SEMA4D: variants seen among roughly 807,000 people sequenced by gnomAD.
The protein encoded by SEMA4D is semaphorin 4D.
A neutral mutation model predicts 74.8 loss-of-function variants in SEMA4D; 22 were observed. The ratio of observed to expected loss-of-function variants is 0.29; its 90% CI spans 0.21 to 0.42. The LOEUF (loss-of-function observed/expected upper bound fraction) is 0.42. Among genes scored for constraint, SEMA4D ranks in the 10% least tolerant of loss-of-function variants. The pLI, the probability that SEMA4D is intolerant of heterozygous loss-of-function variation, is 1.00. For missense variants in SEMA4D, 937 were observed against 1,118.4 expected (o/e 0.84, Z 2.31); for synonymous variants, 445 against 463.7 (o/e 0.96, Z 0.52).
chr9:89,402,089 T>TA (rs1474222457), intron 4 of SEMA4D, among the ~76,000 whole-genome samples: 20 of 152,288 alleles, frequency 1.3e-4, no homozygotes, highest in African/African-American at 4.3e-4. Context: ...GGCACATACT[T>TA]ACAGTCCCAG....
At chr9:89,389,891 T>A (rs1421303005) in intron 9 of SEMA4D, among the ~76,000 whole-genome samples, 2 of 152,200 alleles carry the variant, frequency 1.3e-5, no homozygotes, top group Non-Finnish European at 2.9e-5. Context: ...TCATGTGGCT[T>A]TCAGGTCACG....
chr9:89,362,627 C>A (rs770925406), intron 18 of SEMA4D, among the ~76,000 whole-genome samples: 1 of 152,332 alleles, frequency 6.6e-6, no homozygotes, highest in Non-Finnish European at 1.5e-5. Flanking sequence ...AGAGCAGCAG[C>A]GCATTCACTC....
intron 1 of SEMA4D, among the ~76,000 whole-genome samples, chr9:89,490,198 T>C (rs908984494): frequency 6.6e-6 from 1 of 152,226 alleles, no homozygotes; most frequent in African/African-American, 2.4e-5. Context: ...CTGGCAGTTT[T>C]TGTGGTTGAG....
At chr9:89,436,794 A>G (rs568266968) in intron 2 of SEMA4D, among the ~76,000 whole-genome samples, 255 of 152,362 alleles carry the variant, frequency 1.7e-3, no homozygotes, top group African/African-American at 5.8e-3. Flanking sequence ...CCCATGGAGC[A>G]GCAGGTCGCC....
rs932933802 is a variant in SEMA4D at position 89,379,537 on chromosome 9, A to C, written c.1756T>G (p.Phe586Val). 6 of 1,614,094 alleles carry C rather than the reference A, an allele frequency of 3.7e-6. No homozygotes were observed. The highest frequency in any genetic ancestry group is 3.3e-5 in the Admixed American group (2 of 60,004). Residue 586 changes from phenylalanine to valine, a missense_variant, in exon 16 of 16, where the codon TTT becomes GTT. Transcript: ENST00000422704. ...CSQKSNLARV[F>V]WKFQNGVLKA... ...AACACGCCATTCTGGAACTTCCAAAAGACCCGGGCCAGGTTGGATTTTTGG... is the reference window on the plus strand; with the variant it reads ...AACACGCCATTCTGGAACTTCCAAACGACCCGGGCCAGGTTGGATTTTTGG...
intron 1 of SEMA4D, among the ~76,000 whole-genome samples, chr9:89,493,320 G>A (rs961715170): frequency 1.3e-5 from 2 of 152,202 alleles, no homozygotes; most frequent in African/African-American, 2.4e-5. Flanking sequence ...CTGTGCAGGC[G>A]CAAAGGCAGG....
At chr9:89,374,412 G>T (rs1445307046), downstream of SEMA4D, among the ~76,000 whole-genome samples, 1 of 152,238 alleles carries the variant, frequency 6.6e-6, no homozygotes, top group African/African-American at 2.4e-5. Context: ...GCTTCAAGTA[G>T]GACCTCCAGC....
rs568682707 is a variant in SEMA4D, at chr9:89,370,392, C to T, written c.1882+6441G>A. On this transcript the variant is annotated intron_variant, in intron 16 of 18. Transcript: ENST00000339861. ...ACGTATGTGGTGTATCTGATATATG[C>T]GTGGCGTGTGGTGTGTGTGGTGTGT... Among the ~76,000 whole-genome samples the T allele has an allele frequency of 4.8e-4, 70 of 145,126 alleles. No homozygotes were observed. In the South Asian group the frequency reaches 8.1e-3, roughly 17 times the overall value.
chr9:89,399,512 T>C (rs1841722222), intron 4 of SEMA4D, among the ~76,000 whole-genome samples, 174 bp from the exon 5 acceptor site: 1 of 152,192 alleles, frequency 6.6e-6, no homozygotes, highest in Non-Finnish European at 1.5e-5. Context: ...GGGGCCTTCA[T>C]GAACATCCTC....
At chr9:89,424,824 T>C (rs1847772141) in intron 2 of SEMA4D, among the ~76,000 whole-genome samples, 1 of 152,034 alleles carries the variant, frequency 6.6e-6, no homozygotes, top group Non-Finnish European at 1.5e-5. Flanking sequence ...TTACGGCCCC[T>C]GTGCCCCCGG....
intron 18 of SEMA4D, chr9:89,362,554 C>A: frequency 6.5e-7 from 1 of 1,544,786 alleles, no homozygotes; most frequent in Non-Finnish European, 8.9e-7. Flanking sequence ...TGTTGTGGTT[C>A]CCCTCCTTGG....
chr9:89,413,566 C>A (rs148929277), intron 2 of SEMA4D, among the ~76,000 whole-genome samples: 4 of 152,342 alleles, frequency 2.6e-5, no homozygotes, highest in Non-Finnish European at 5.9e-5. Context: ...TTGTACACAT[C>A]TGTACAGGTG....
At chr9:89,450,649 GA>G in intron 2 of SEMA4D, 2 of 396,044 alleles carry the variant, frequency 5.0e-6, no homozygotes, top group Non-Finnish European at 3.9e-6. Flanking sequence ...TCTGCAAGTC[GA>G]AAAACCCAGG....
intron 4 of SEMA4D, among the ~76,000 whole-genome samples, chr9:89,401,884 T>C (rs769877119): frequency 4.6e-5 from 7 of 152,150 alleles, no homozygotes; most frequent in Non-Finnish European, 7.4e-5. Flanking sequence ...AACATTGCGT[T>C]TTGCAATCTT....
chr9:89,378,751 C>A lies in SEMA4D; in HGVS notation c.2542G>T (p.Val848Phe), dbSNP rs775445061. ...DLSARDKPFD[V>F]KCELKFADSD... Reference sequence around the variant, plus strand: ...TCAGCGAACTTCAGCTCACACTTGACGTCAAAGGGCTTGTCCCTGGCAGAA... The same window carrying A: ...TCAGCGAACTTCAGCTCACACTTGAAGTCAAAGGGCTTGTCCCTGGCAGAA... The change falls in exon 16 of 16, where the codon GTC becomes TTC. Residue 848 changes from valine (V) to phenylalanine (F), a missense_variant. Coordinates refer to ENST00000422704, the MANE Select transcript of SEMA4D (RefSeq NM_001371194.2). The A allele has an allele frequency of 6.2e-7, 1 of 1,614,174 alleles. No homozygotes were observed. The highest frequency in any genetic ancestry group is 8.5e-7 in the Non-Finnish European group (1 of 1,180,028).
chr9:89,373,725 C>T (rs1456189299), downstream of SEMA4D, among the ~76,000 whole-genome samples: 4 of 152,320 alleles, frequency 2.6e-5, no homozygotes, highest in East Asian at 3.9e-4. Context: ...CCCTGGGTGG[C>T]TGGGGGAGGA....
intron 2 of SEMA4D, among the ~76,000 whole-genome samples, chr9:89,427,722 T>C (rs938290987): frequency 1.3e-5 from 2 of 152,082 alleles, no homozygotes; most frequent in Non-Finnish European, 2.9e-5. Context: ...CCCATCCCGG[T>C]GTCTGTCCTT....
chr9:89,428,599 G>A (rs1179950910), intron 2 of SEMA4D, among the ~76,000 whole-genome samples: 1 of 151,590 alleles, frequency 6.6e-6, no homozygotes, highest in Non-Finnish European at 1.5e-5. Context: ...AGGTCACGGA[G>A]CCTGCTCAAG....
At chr9:89,441,427 G>A (rs1851639529) in intron 2 of SEMA4D, among the ~76,000 whole-genome samples, 1 of 152,254 alleles carries the variant, frequency 6.6e-6, no homozygotes, top group Admixed American at 6.5e-5. Flanking sequence ...ATGTGTCTGG[G>A]ATCAGAAGGA....
Sources: allele counts gnomAD v4.1 joint callset (sites outside exome capture counted in the v4.1 genomes callset), GRCh38; gene constraint gnomAD v4.1.1; transcripts MANE v1.5; gene names NCBI Gene and HGNC (gene_info 2026-07-23, HGNC 2026-07-21).